ETS1: variants seen among roughly 807,000 people sequenced by gnomAD.
ETS1 encodes the protein ETS proto-oncogene 1, transcription factor, also known as protein C-ets-1.
In ETS1, 15 loss-of-function variants were observed where a neutral mutation model predicts 58.6. The ratio of observed to expected loss-of-function variants is 0.26; its 90% CI spans 0.17 to 0.39. The LOEUF is 0.39. Among genes scored for constraint, ETS1 ranks in the 10% least tolerant of loss-of-function variants. The pLI is 1.00. For missense variants in ETS1, 417 were observed against 610.5 expected, an observed-to-expected ratio of 0.68 and a Z score of 3.34; for synonymous variants, 214 against 218.2, an observed-to-expected ratio of 0.98 and a Z score of 0.17.
chr11:128,562,015 G>A (rs1864412401), intron 2 of ETS1, among the ~76,000 whole-genome samples: 1 of 152,194 alleles, frequency 6.6e-6, no homozygotes, highest in African/African-American at 2.4e-5. Context: ...ACTGGTTGAA[G>A]ACGTAGGAGG....
chr11:128,509,576 T>C (rs1440090987), intron 3 of ETS1, among the ~76,000 whole-genome samples: 1 of 118,478 alleles, frequency 8.4e-6, no homozygotes, highest in Non-Finnish European at 1.8e-5. Context: ...TTTTTTTTTT[T>C]ACTTTCCCAC....
intron 3 of ETS1, among the ~76,000 whole-genome samples, chr11:128,504,022 C>T (rs905815058): frequency 1.3e-5 from 2 of 152,120 alleles, no homozygotes; most frequent in African/African-American, 4.8e-5. Context: ...AATATATGTC[C>T]CTAATGAGGA....
At chr11:128,559,552 C>T (rs1296553390) in intron 2 of ETS1, among the ~76,000 whole-genome samples, 1 of 152,142 alleles carries the variant, frequency 6.6e-6, no homozygotes, top group African/African-American at 2.4e-5. Context: ...AACTGTCCTC[C>T]GTGGAGCCAC....
Position 128,549,267 on chromosome 11 carries a change from C to G in ETS1, c.214+7024G>C, listed in dbSNP as rs1286007576. Among the ~76,000 whole-genome samples, 1 of 150,042 alleles carries G rather than the reference C, an allele frequency of 6.7e-6. No homozygotes were observed. The highest frequency in any genetic ancestry group is 1.5e-5 in the Non-Finnish European group (1 of 67,792). ...ACCCTCCACTCTCACGCGCCCCTCG[C>G]CCCTCGCCCCTCGCCCCTCGCCCCT... On this transcript the variant is annotated intron_variant, in intron 3 of 9. Transcript: ENST00000392668. This position sits in a 1 kb window ranked among gnomAD's most constrained non-coding sequence, Gnocchi z 4.3.
intron 3 of ETS1, among the ~76,000 whole-genome samples, chr11:128,515,501 C>T (rs552811035): frequency 3.0e-4 from 45 of 152,272 alleles, no homozygotes; most frequent in Non-Finnish European, 1.3e-4. Context: ...AACTCTTAAT[C>T]GTGCCTTATT....
At chr11:128,543,642 T>TA (rs1458408116) in intron 3 of ETS1, among the ~76,000 whole-genome samples, 4 of 152,172 alleles carry the variant, frequency 2.6e-5, no homozygotes, top group African/African-American at 9.7e-5. Flanking sequence ...GTCTCTCCTT[T>TA]CACATCTGGC....
At chr11:128,562,949 A>T (rs1365150860) in intron 2 of ETS1, among the ~76,000 whole-genome samples, 1 of 151,006 alleles carries the variant, frequency 6.6e-6, no homozygotes, top group African/African-American at 2.5e-5. Context: ...TCCATGCCCC[A>T]AAGTCCCCAA....
At chr11:128,504,404 G>C (rs1863175564) in intron 3 of ETS1, among the ~76,000 whole-genome samples, 1 of 152,156 alleles carries the variant, frequency 6.6e-6, no homozygotes, top group Admixed American at 6.5e-5. Context: ...GCAGAAAAGA[G>C]GAATTTACAG....
intron 3 of ETS1, among the ~76,000 whole-genome samples, chr11:128,540,075 G>A (rs1365431387): frequency 6.6e-6 from 1 of 152,166 alleles, no homozygotes; most frequent in African/African-American, 2.4e-5. Flanking sequence ...ACTTTGGGAG[G>A]CCAAGGCGGG....
At chr11:128,462,608 T>G (rs759600432) in intron 9 of ETS1, 32 bp from the exon 10 acceptor site, 1 of 1,581,308 alleles carries the variant, frequency 6.3e-7, no homozygotes, top group African/African-American at 1.3e-5. Context: ...AAAGGAGGAG[T>G]AGGCAAAAAT....
intron 2 of ETS1, 102 bp downstream of exon 2, chr11:128,572,960 G>A: frequency 1.2e-6 from 1 of 850,984 alleles, no homozygotes; most frequent in Admixed American, 2.1e-5. Context: ...TGGAGTTCAG[G>A]TTCCTGGCTT....
At chr11:128,538,777 CA>C (rs1432136517) in intron 3 of ETS1, among the ~76,000 whole-genome samples, 28 of 151,708 alleles carry the variant, frequency 1.8e-4, no homozygotes, top group Non-Finnish European at 3.7e-4. Flanking sequence ...CACACACACA[CA>C]CACACACACA....
intron 2 of ETS1, among the ~76,000 whole-genome samples, chr11:128,564,837 C>T (rs980325632): frequency 2.0e-5 from 3 of 151,894 alleles, no homozygotes; most frequent in Non-Finnish European, 4.4e-5. Flanking sequence ...GTTATGGACA[C>T]GGTTGGTGGA....
At chr11:128,521,856 G>C in intron 3 of ETS1, 1 of 1,465,324 alleles carries the variant, frequency 6.8e-7, no homozygotes. Context: ...AGAAGTCCAG[G>C]GGACCCCCGG....
rs571696515 is a variant in ETS1 at position 128,539,436 on chromosome 11, C to T, written c.214+16855G>A. ...AAGGTATAAGAATGACTGGTAAACA[C>T]GTGAGAAAAGCTCAATATCATTAAT... On this transcript the variant is annotated intron_variant, in intron 3 of 9. Transcript: ENST00000392668. 2.0e-4 allele frequency among the ~76,000 whole-genome samples: 31 copies of T among 152,228 alleles called. 1 individual carries two copies. The highest frequency in any genetic ancestry group is 6.8e-3 in the Middle Eastern group (2 of 294).
chr11:128,495,090 TG>T (rs756960082), intron 3 of ETS1, among the ~76,000 whole-genome samples: 1 of 152,050 alleles, frequency 6.6e-6, no homozygotes, highest in Non-Finnish European at 1.5e-5. Context: ...AACATAAAAC[TG>T]GAGGGGCCTG....
intron 2 of ETS1, among the ~76,000 whole-genome samples, chr11:128,567,831 A>T (rs1278177718): frequency 1.3e-5 from 2 of 152,064 alleles, no homozygotes; most frequent in Non-Finnish European, 2.9e-5. Context: ...ACGGGGTTTT[A>T]TCATGTTGGC....
At chr11:128,585,135 GA>G (rs1176013729) in intron 1 of ETS1, among the ~76,000 whole-genome samples, 380 of 6,524 alleles carry the variant, frequency 0.058, 62 homozygotes, top group South Asian at 0.087. Flanking sequence ...AAGAAAGAAA[GA>G]AAAGAAAGAA....
chr11:128,458,918 C>T lies in ETS1; in HGVS notation c.*3443G>A, dbSNP rs1022302246. On this transcript the variant is annotated 3_prime_UTR_variant, in exon 10 of 10. Coordinates refer to ENST00000392668, the MANE Select transcript of ETS1 (RefSeq NM_001143820.2). This position sits in a 1 kb window ranked among gnomAD's most constrained non-coding sequence, Gnocchi z 4.3. ...AAACTCCGCCATAAGAATTTTTTTG[C>T]ATTTTTTTTTAAAAAAACATCGACA... 6.6e-6 allele frequency: 1 copy of T among 152,492 alleles called. No individual in the cohort carries two copies. The highest frequency in any genetic ancestry group is 1.5e-5 in the Non-Finnish European group (1 of 67,952). The allele number at this position is 152,492 out of a possible 1,614,324, so 9.4% of individuals were successfully genotyped here.
Sources: gnomAD v4.1 joint callset for allele counts (sites outside exome capture counted in the v4.1 genomes callset) on GRCh38, gnomAD v4.1.1 for gene constraint, Gnocchi (gnomAD v3.1) non-coding constraint, MANE v1.5 for transcripts, NCBI Gene and HGNC (gene_info 2026-07-23, HGNC 2026-07-21) for gene names.